TUSC3: variants seen among roughly 807,000 people sequenced by gnomAD.
TUSC3 encodes the protein tumor suppressor candidate 3.
Under a neutral mutation model 44.8 loss-of-function variants are expected in TUSC3, and 45 were observed. That is an observed-to-expected ratio of 1.00 (90% confidence interval 0.79 to 1.29). TUSC3 has a LOEUF of 1.29. Ranked by LOEUF, TUSC3 falls within the 50% of genes most tolerant of loss-of-function variation. The probability of loss-of-function intolerance (pLI) is 0.00; values close to 1 mark genes in which losing one functional copy is unlikely to be tolerated. For synonymous variants in TUSC3, 212 were observed against 152.9 expected, an observed-to-expected ratio of 1.39 and a Z score of -2.85; for missense variants, 519 against 437.9, an observed-to-expected ratio of 1.19 and a Z score of -1.65.
At chr8:15,744,707 G>GAGC (rs10639047) in intron 8 of TUSC3, among the ~76,000 whole-genome samples, 70,231 of 151,560 alleles carry the variant, frequency 0.46, 16,570 homozygotes, top group East Asian at 0.69. Flanking sequence ...CAAAAGAAAG[G>GAGC]AGATTACTTT....
rs761999068 is a variant in TUSC3 at position 15,540,484 on chromosome 8, G to A, written c.54G>A (p.Arg18=). ...SRRRQAGRRL[R]YLPTGSFPFL... Reference sequence around the variant, plus strand: ...GTAGGCAAGCGGGGCGGCGGCTGCGGTACCTGCCCACCGGGAGCTTTCCCT... The same window carrying A: ...GTAGGCAAGCGGGGCGGCGGCTGCGATACCTGCCCACCGGGAGCTTTCCCT... Residue 18 remains arginine (R), a synonymous_variant, in exon 1 of 11, where the codon CGG becomes CGA. Transcript: ENST00000503731. 23 of 1,608,116 alleles carry A rather than the reference G, an allele frequency of 1.4e-5. 1 individual carries two copies. The South Asian group carries it at 2.2e-4, about 15-fold the overall frequency.
chr8:15,606,336 T>C (rs1804525906), intron 1 of TUSC3, among the ~76,000 whole-genome samples: 1 of 152,084 alleles, frequency 6.6e-6, no homozygotes, highest in Non-Finnish European at 1.5e-5. Context: ...TGTAAGAATA[T>C]TGCATATAAT....
intron 1 of TUSC3, among the ~76,000 whole-genome samples, chr8:15,570,902 T>C (rs1802846065): frequency 1.3e-5 from 2 of 150,746 alleles, no homozygotes; most frequent in African/African-American, 4.9e-5. Context: ...TATTTGATCT[T>C]ATATATATTA....
chr8:15,776,129 A>G, the TUSC3 span, among the ~76,000 whole-genome samples: 2 of 152,066 alleles, frequency 1.3e-5, no homozygotes, highest in Non-Finnish European at 2.9e-5. Flanking sequence ...GCCTTGAATG[A>G]TGTTTTAACT....
intron 6 of TUSC3, among the ~76,000 whole-genome samples, chr8:15,712,454 C>T (rs1186760934): frequency 6.6e-6 from 1 of 151,986 alleles, no homozygotes; most frequent in Admixed American, 6.6e-5. Context: ...TCGAGTTTAA[C>T]TTCAGTTTCT....
chr8:15,523,022 A>T (rs1288279991), intron 2 of TUSC3, among the ~76,000 whole-genome samples: 1 of 152,156 alleles, frequency 6.6e-6, no homozygotes, highest in Non-Finnish European at 1.5e-5. Context: ...CAATCCTGTA[A>T]GACTGAGAAC....
intron 1 of TUSC3, among the ~76,000 whole-genome samples, chr8:15,566,410 T>G (rs970684437): frequency 5.3e-5 from 8 of 152,160 alleles, no homozygotes; most frequent in African/African-American, 1.9e-4. Flanking sequence ...AGGATTATTT[T>G]GAACATGTGC....
At chr8:15,833,916 G>C in the TUSC3 span, among the ~76,000 whole-genome samples, 2 of 151,796 alleles carry the variant, frequency 1.3e-5, no homozygotes, top group Admixed American at 1.3e-4. Flanking sequence ...TTAATATAGA[G>C]AACGTTTACT....
At chr8:15,614,939 A>C (rs866697249) in intron 1 of TUSC3, among the ~76,000 whole-genome samples, 2 of 147,660 alleles carry the variant, frequency 1.4e-5, no homozygotes, top group East Asian at 1.9e-4. Context: ...AAAGACCAAA[A>C]AAAAAAAAAA....
chr8:15,425,453 G>A (rs138772546), intron 1 of TUSC3, among the ~76,000 whole-genome samples: 6 of 152,302 alleles, frequency 3.9e-5, no homozygotes, highest in East Asian at 1.9e-4. Flanking sequence ...CTTCTGGACC[G>A]AGAGAGAGAA....
At chr8:15,784,698 G>A in the TUSC3 span, among the ~76,000 whole-genome samples, 1 of 152,096 alleles carries the variant, frequency 6.6e-6, no homozygotes, top group Non-Finnish European at 1.5e-5. Context: ...ACTTACATGT[G>A]AAATACAGAA....
At chr8:15,504,603 ATATATATATATATATATATT>A (rs1269242710) in intron 2 of TUSC3, among the ~76,000 whole-genome samples, 78 of 38,496 alleles carry the variant, frequency 2.0e-3, no homozygotes, top group African/African-American at 7.6e-3. Context: ...ATATATATAT[ATATATATATATATATATATT>A]TTTTTTTTTT....
At chr8:15,419,300 A>G (rs1195038429) in intron 1 of TUSC3, among the ~76,000 whole-genome samples, 1 of 152,242 alleles carries the variant, frequency 6.6e-6, no homozygotes, top group Non-Finnish European at 1.5e-5. Context: ...AACAGGTGAC[A>G]GGAAAGAATG....
intron 1 of TUSC3, among the ~76,000 whole-genome samples, chr8:15,575,565 G>A (rs931044098): frequency 6.6e-6 from 1 of 152,084 alleles, no homozygotes; most frequent in Non-Finnish European, 1.5e-5. Flanking sequence ...TCAGGAGTTT[G>A]AGATCAGCCT....
chr8:15,819,070 A>G, the TUSC3 span, among the ~76,000 whole-genome samples: 1 of 152,124 alleles, frequency 6.6e-6, no homozygotes, highest in African/African-American at 2.4e-5. Context: ...ACAAGAAAAA[A>G]AAAATTATTT....
intron 5 of TUSC3, among the ~76,000 whole-genome samples, chr8:15,668,605 C>T (rs969353353): frequency 4.6e-5 from 7 of 151,610 alleles, no homozygotes; most frequent in Non-Finnish European, 1.0e-4. Flanking sequence ...AACATATGTC[C>T]AAAATCTTGG....
chr8:15,532,301 A>G (rs1801460769), intron 2 of TUSC3, among the ~76,000 whole-genome samples: 4 of 152,190 alleles, frequency 2.6e-5, no homozygotes, highest in Admixed American at 2.6e-4. Context: ...TAGCATAAAC[A>G]TTCAAATTGT....
At chr8:15,847,752 T>G in the TUSC3 span, among the ~76,000 whole-genome samples, 2 of 152,152 alleles carry the variant, frequency 1.3e-5, no homozygotes, top group Admixed American at 1.3e-4. Context: ...CAATTTTCAA[T>G]ATATCTGCTT....
At chr8:15,583,074 C>G (rs1006069602) in intron 1 of TUSC3, among the ~76,000 whole-genome samples, 5 of 152,056 alleles carry the variant, frequency 3.3e-5, no homozygotes, top group African/African-American at 1.2e-4. Flanking sequence ...GACTGGAATA[C>G]AAATGAGAAT....
Sources: gnomAD v4.1 joint callset for allele counts (sites outside exome capture counted in the v4.1 genomes callset) on GRCh38, gnomAD v4.1.1 for gene constraint, MANE v1.5 for transcripts, NCBI Gene and HGNC (gene_info 2026-07-23, HGNC 2026-07-21) for gene names.